The following GRID1 variants were observed in gnomAD, a reference collection of about 807,000 sequenced individuals.
GRID1 encodes glutamate ionotropic receptor delta type subunit 1.
A neutral mutation model predicts 98.0 loss-of-function variants in GRID1; 28 were observed. The ratio of observed to expected loss-of-function variants is 0.29; its 90% CI spans 0.21 to 0.39. GRID1 has a LOEUF of 0.39. Ranked by LOEUF, GRID1 falls within the 10% of genes least tolerant of loss-of-function variation. The pLI, the probability that GRID1 is intolerant of heterozygous loss-of-function variation, is 1.00. For missense variants in GRID1, 1,111 were observed against 1,340.5 expected, an observed-to-expected ratio of 0.83 and a Z score of 2.67; for synonymous variants, 553 against 538.5, an observed-to-expected ratio of 1.03 and a Z score of -0.37.
intron 4 of GRID1, among the ~76,000 whole-genome samples, chr10:85,940,865 A>C (rs1564631743): frequency 6.6e-6 from 1 of 152,218 alleles, no homozygotes; most frequent in African/African-American, 2.4e-5. Flanking sequence ...AGAACCTTGG[A>C]GAGGAGAAGA....
At chr10:86,203,975 G>A (rs1418324547) in intron 3 of GRID1, among the ~76,000 whole-genome samples, 1 of 152,096 alleles carries the variant, frequency 6.6e-6, no homozygotes, top group African/African-American at 2.4e-5. Context: ...GTCACTTGGC[G>A]ACTTTATGGA....
intron 8 of GRID1, among the ~76,000 whole-genome samples, chr10:85,730,053 G>A (rs769649360): frequency 6.6e-6 from 1 of 152,210 alleles, no homozygotes; most frequent in Non-Finnish European, 1.5e-5. Flanking sequence ...AGTAAAGCAA[G>A]TAGCAAACAC....
chr10:85,892,685 A>G (rs1292016726), intron 5 of GRID1, among the ~76,000 whole-genome samples: 2 of 152,138 alleles, frequency 1.3e-5, no homozygotes, highest in Admixed American at 6.5e-5. Context: ...GATCTGCTAA[A>G]AAAATAGAAT....
At chr10:86,027,650 T>C (rs1177696707) in intron 4 of GRID1, among the ~76,000 whole-genome samples, 1 of 152,194 alleles carries the variant, frequency 6.6e-6, no homozygotes, top group East Asian at 1.9e-4. Flanking sequence ...GCTTAGGGAG[T>C]CTGCAGCTGC....
intron 6 of GRID1, among the ~76,000 whole-genome samples, chr10:85,859,453 A>T (rs112863320): frequency 0.12 from 18,483 of 152,156 alleles, 1,321 homozygotes; most frequent in Middle Eastern, 0.19. Context: ...TGATTGATGG[A>T]TGGATGGATT....
In GRID1 at chr10:85,856,120, C is replaced by T; in HGVS notation, c.1022G>A (p.Arg341Gln). The stretch of plus-strand genomic sequence containing the variant: ...GAGGCTCGCCATGCTATGCCACTTC[C>T]GGTCCTCCAGCTTCCTGTGAAAGGC... ...ANAFHRKLEDRKWHSMASLNC... is the reference protein window; with the variant it reads ...ANAFHRKLEDQKWHSMASLNC... The change falls in exon 7 of 16, where the codon CGG becomes CAG. Residue 341 changes from arginine to glutamine, a missense_variant. Around this residue, in one of 3 missense-constraint regions of GRID1, gnomAD observed 3 missense variants for 19.0 expected, o/e 0.16. Coordinates refer to ENST00000327946, the MANE Select transcript of GRID1 (RefSeq NM_017551.3). 6.2e-7 allele frequency: 1 copy of T among 1,614,094 alleles called. No individual in the cohort carries two copies. The highest frequency in any genetic ancestry group is 8.5e-7 in the Non-Finnish European group (1 of 1,179,926).
At chr10:85,661,043 C>T (rs1377508163) in intron 12 of GRID1, among the ~76,000 whole-genome samples, 3 of 152,178 alleles carry the variant, frequency 2.0e-5, no homozygotes, top group East Asian at 3.9e-4. Flanking sequence ...TCGTTATGAG[C>T]TTCAGTTTCT....
chr10:85,634,110 G>A (rs1843005677), intron 13 of GRID1, among the ~76,000 whole-genome samples: 1 of 151,910 alleles, frequency 6.6e-6, no homozygotes. Flanking sequence ...GGCGGAGGTG[G>A]CGGTGAGCCA....
intron 2 of GRID1, among the ~76,000 whole-genome samples, chr10:86,341,243 A>G (rs1434685270): frequency 6.6e-6 from 1 of 152,048 alleles, no homozygotes; most frequent in East Asian, 1.9e-4. Context: ...AAACACAAAA[A>G]CAAAGGGAGC....
In GRID1 at chr10:85,641,510, T is replaced by G. The variant is rs143689875; in HGVS notation, c.2193+5692A>C. On this transcript the variant is annotated intron_variant, in intron 13 of 15. Coordinates refer to ENST00000327946, the MANE Select transcript of GRID1 (RefSeq NM_017551.3). ...ACAAGGGGGTGGAAACACATTGAGGTGTAGAAAAGACGAGATTACCACCCC... is the reference window on the plus strand; with the variant it reads ...ACAAGGGGGTGGAAACACATTGAGGGGTAGAAAAGACGAGATTACCACCCC... 2.0e-4 allele frequency among the ~76,000 whole-genome samples: 31 copies of G among 152,210 alleles called. No individual in the cohort carries two copies. The East Asian group carries it at 5.6e-3, about 28-fold the overall frequency.
At chr10:85,972,486 T>G (rs1049422419) in intron 4 of GRID1, among the ~76,000 whole-genome samples, 4 of 146,628 alleles carry the variant, frequency 2.7e-5, no homozygotes, top group Admixed American at 1.4e-4. Context: ...TTAAATATAT[T>G]TATATATTTA....
In GRID1 at chr10:85,687,586, C is replaced by T. The variant is rs557044134; in HGVS notation, c.1997+35417G>A. 3.6e-4 allele frequency among the ~76,000 whole-genome samples: 54 copies of T among 151,820 alleles called. 1 individual carries two copies. Among genetic ancestry groups the T allele is most frequent in the Non-Finnish European group, 6.9e-4 (47 of 67,950 alleles). ...TTGAGGCTGCAATGAGCTAAGATGG[C>T]GTCACTGTACTCCAGCCTGGGTGAC... On this transcript the variant is annotated intron_variant, in intron 12 of 15. Coordinates refer to ENST00000327946, the MANE Select transcript of GRID1 (RefSeq NM_017551.3).
In GRID1 at chr10:85,602,484, C is replaced by A; in HGVS notation, c.2819G>T (p.Ser940Ile). 6.2e-7 allele frequency: 1 copy of A among 1,614,140 alleles called. No individual in the cohort carries two copies. The highest frequency in any genetic ancestry group is 8.5e-7 in the Non-Finnish European group (1 of 1,180,042). Residue 940 changes from serine to isoleucine, a missense_variant, in exon 16 of 16, where the codon AGC becomes ATC. Ser to Ile is a moderately radical substitution (Grantham distance 142). Transcript: ENST00000327946. ...GCTGGGCCCTGATGAGAGTGTCCGGCTGGTGCCATGGCTGCTCTGCTCTGG... is the reference window on the plus strand; with the variant it reads ...GCTGGGCCCTGATGAGAGTGTCCGGATGGTGCCATGGCTGCTCTGCTCTGG... The part of the protein sequence containing the change: ...FLPEQSSHGT[S>I]RTLSSGPSSN...
intron 4 of GRID1, among the ~76,000 whole-genome samples, chr10:85,998,174 A>C (rs1340359761): frequency 6.6e-6 from 1 of 152,196 alleles, no homozygotes; most frequent in African/African-American, 2.4e-5. Flanking sequence ...AGAATACTTC[A>C]CACAACAACA....
chr10:86,259,236 T>C (rs1214815360), intron 2 of GRID1, among the ~76,000 whole-genome samples: 5 of 152,214 alleles, frequency 3.3e-5, no homozygotes, highest in Non-Finnish European at 1.5e-5. Flanking sequence ...GCCTAGCCTC[T>C]TTGCAAGCTG....
intron 2 of GRID1, among the ~76,000 whole-genome samples, chr10:86,253,381 G>A (rs1445849394): frequency 6.6e-6 from 1 of 152,234 alleles, no homozygotes. Context: ...AGATAAGAAC[G>A]CTCTTCCTGT....
At chr10:86,252,634 A>G (rs1382828417) in intron 2 of GRID1, among the ~76,000 whole-genome samples, 1 of 152,164 alleles carries the variant, frequency 6.6e-6, no homozygotes, top group African/African-American at 2.4e-5. Context: ...CCATTTTTCT[A>G]CACCAAAGAC....
chr10:85,725,880 T>C (rs944076805), intron 10 of GRID1, among the ~76,000 whole-genome samples: 4 of 152,206 alleles, frequency 2.6e-5, no homozygotes, highest in African/African-American at 9.6e-5. Context: ...CTGGCATCTC[T>C]GGTTCTTGCC....
chr10:85,841,429 G>A (rs1281711539), intron 8 of GRID1, among the ~76,000 whole-genome samples: 2 of 152,058 alleles, frequency 1.3e-5, no homozygotes, highest in African/African-American at 2.4e-5. Context: ...TATGAACAAA[G>A]ATTTCATGAC....
Sources: allele counts gnomAD v4.1 joint callset (sites outside exome capture counted in the v4.1 genomes callset), GRCh38; gene constraint gnomAD v4.1.1; regional missense constraint gnomAD v4.1.1; transcripts MANE v1.5; gene names NCBI Gene and HGNC (gene_info 2026-07-23, HGNC 2026-07-21).